SHOX2: variants seen among roughly 807,000 people sequenced by gnomAD.
The protein encoded by SHOX2 is SHOX homeobox 2.
SHOX2 carries 13 observed loss-of-function variants against 31.3 expected under a neutral mutation model. The observed-to-expected ratio is 0.42, with a 90% confidence interval of 0.27 to 0.66. The LOEUF (loss-of-function observed/expected upper bound fraction) is 0.66, where lower values mean the gene tolerates loss of function less well. Among genes scored for constraint, SHOX2 ranks in the 30% least tolerant of loss-of-function variants. The pLI is 0.27. For synonymous variants in SHOX2, 244 were observed against 196.2 expected, an observed-to-expected ratio of 1.24 and a Z score of -2.04; for missense variants, 473 against 443.0, an observed-to-expected ratio of 1.07 and a Z score of -0.61.
At chr3:158,104,112 G>C (rs1024409962) in intron 1 of SHOX2, 8 of 152,358 alleles carry the variant, frequency 5.3e-5, no homozygotes, top group African/African-American at 1.7e-4. Flanking sequence ...GGCCAGCATG[G>C]GTGTTAAAAA....
intron 1 of SHOX2, chr3:158,105,062 A>G (rs2108132142): frequency 3.0e-6 from 3 of 1,012,954 alleles, no homozygotes; most frequent in African/African-American, 3.9e-5. Flanking sequence ...ACACACCAAG[A>G]AACCGAAACG....
intron 4 of SHOX2, among the ~76,000 whole-genome samples, chr3:158,099,517 A>AAT (rs1713351930): frequency 6.6e-6 from 1 of 152,228 alleles, no homozygotes; most frequent in Admixed American, 6.5e-5. Context: ...TTGCCTTAGA[A>AAT]ATACCTTAGG....
At chr3:158,103,588 C>G (rs902461378) in intron 1 of SHOX2, 1 of 152,390 alleles carries the variant, frequency 6.6e-6, no homozygotes, top group Non-Finnish European at 1.5e-5. Flanking sequence ...CCCGCCTGCC[C>G]GACCGGGGTC....
At position 158,102,872 on chromosome 3, in the gene SHOX2, T is replaced by C; in HGVS notation, c.361A>G (p.Lys121Glu). Residue 121 changes from lysine (K) to glutamate (E), a missense_variant, in exon 2 of 5, where the codon AAA (lysine) becomes GAA (glutamate). By Grantham distance (56) the Lys-to-Glu change is moderately conservative. Coordinates refer to ENST00000483851, the MANE Select transcript of SHOX2 (RefSeq NM_001163678.2). ...PRLTEVSPEL[K>E]DRKEDAKGME... ...CCTTTCGCATCCTCTTTGCGATCTT[T>C]CAGCTCCGGGGACACTGGAGGGGGC... 1 of 1,614,002 alleles carries C rather than the reference T, an allele frequency of 6.2e-7. No homozygotes were observed. The highest frequency in any genetic ancestry group is 8.5e-7 in the Non-Finnish European group (1 of 1,180,000).
intron 1 of SHOX2, 120 bp downstream of exon 1, chr3:158,105,559 G>T: frequency 1.1e-6 from 1 of 895,244 alleles, no homozygotes; most frequent in Non-Finnish European, 1.7e-6. Flanking sequence ...CAAAGCTGGG[G>T]TCCAGGGCCC....
chr3:158,099,981 G>T (rs1713389838), intron 3 of SHOX2, 33 bp from the exon 4 acceptor site: 2 of 1,564,828 alleles, frequency 1.3e-6, no homozygotes, highest in Non-Finnish European at 1.8e-6. Flanking sequence ...ATAATGTGAG[G>T]TTAACGTTTG....
rs1171088111 is a variant in SHOX2, at chr3:158,096,923, TATATATATGG to T, written c.*1094_*1103del. 7.9e-6 allele frequency: 1 copy of T among 126,548 alleles called. No homozygotes were observed. The highest frequency in any genetic ancestry group is 3.0e-5 in the African/African-American group (1 of 33,822). The allele number at this position is 126,548 out of a possible 1,614,324, so 7.8% of individuals were successfully genotyped here. ...ATATATATATATATATATATATATA[TATATATATGG>T]CAAATATATGATATATATATATGGA... On this transcript the variant is annotated 3_prime_UTR_variant, in exon 5 of 5. Coordinates refer to ENST00000483851, the MANE Select transcript of SHOX2 (RefSeq NM_001163678.2).
rs1713063078 is a variant in SHOX2, at chr3:158,096,268, CT to C, written c.*1758del. On this transcript the variant is annotated 3_prime_UTR_variant, in exon 5 of 5. Transcript: ENST00000483851. Reference sequence around the variant, plus strand: ...AAGTTCAGTTAGAAGAGCTTTTCCTCTTTCTTGTAAATTAGAAGGTAAAACA... The same window carrying C: ...AAGTTCAGTTAGAAGAGCTTTTCCTCTTCTTGTAAATTAGAAGGTAAAACA... 1 of 152,246 alleles carries C rather than the reference CT, an allele frequency of 6.6e-6. No homozygotes were observed. Among genetic ancestry groups the C allele is most frequent in the Non-Finnish European group, 1.5e-5 (1 of 68,014 alleles). The allele number at this position is 152,246 out of a possible 1,614,324, so 9.4% of individuals were successfully genotyped here. A position where few individuals can be genotyped will look rare whatever the true frequency, so the allele number is the denominator to read the frequency against.
intron 1 of SHOX2, chr3:158,105,395 G>A (rs1348438275): frequency 1.7e-6 from 1 of 592,200 alleles, no homozygotes; most frequent in Non-Finnish European, 3.0e-6. Context: ...CCTCCCGCTG[G>A]TGAAAAATGC....
chr3:158,105,596 T>G, intron 1 of SHOX2, 83 bp downstream of exon 1: 1 of 1,276,584 alleles, frequency 7.8e-7, no homozygotes, highest in Non-Finnish European at 1.1e-6. Flanking sequence ...CCCTCCCCGC[T>G]GGGCCTCGGA....
chr3:158,097,127 A>G lies in SHOX2; in HGVS notation c.*900T>C, dbSNP rs1713168128. 6.6e-6 allele frequency: 1 copy of G among 151,968 alleles called. No individual in the cohort carries two copies. Among genetic ancestry groups the G allele is most frequent in the Non-Finnish European group, 1.5e-5 (1 of 67,894 alleles). The allele number at this position is 151,968 out of a possible 1,614,324, so 9.4% of individuals were successfully genotyped here. ...CAGCAGTCCAGACAGTTTTGCCATAATAATTTCTCAGAGAAATCATTGTCT... is the reference window on the plus strand; with the variant it reads ...CAGCAGTCCAGACAGTTTTGCCATAGTAATTTCTCAGAGAAATCATTGTCT... On this transcript the variant is annotated 3_prime_UTR_variant, in exon 5 of 5. Transcript: ENST00000483851.
intron 1 of SHOX2, chr3:158,103,230 C>CGCACTCACTTGCTCCGCA (rs1296141990): frequency 1.0e-5 from 4 of 385,042 alleles, no homozygotes; most frequent in Non-Finnish European, 2.0e-5. Context: ...CACTCACTTT[C>CGCACTCACTTGCTCCGCA]GCACTCACTT....
In SHOX2 at chr3:158,105,957, A is replaced by T. The variant is rs763323181; in HGVS notation, c.68T>A (p.Ile23Asn). Residue 23 changes from isoleucine to asparagine, a missense_variant, in exon 1 of 5, where the codon ATC becomes AAC. Physicochemically the swap from Ile to Asn is moderately radical, Grantham distance 149 (BLOSUM62 -3). Coordinates refer to ENST00000483851, the MANE Select transcript of SHOX2 (RefSeq NM_001163678.2). ...GCTCTCCAGCACCTCCCGGTACGTG[A>T]TCGCCTCCTTCTTCTCCTTCACTTT... ...DQKVKEKKEA[I>N]TYREVLESGP... 2.5e-6 allele frequency: 4 copies of T among 1,612,402 alleles called. No individual in the cohort carries two copies. In the Admixed American group the frequency reaches 5.0e-5, roughly 20 times the overall value.
chr3:158,105,827 TCCTCCGCCGCCG>T lies in SHOX2; in HGVS notation c.186_197del (p.Gly74_Gly77del), dbSNP rs1477918867. Reference sequence around the variant, plus strand: ...CGCCTCCTCCGCCGCCGCCTCCGCCTCCTCCGCCGCCGCCTCCGCCGGCCGCCCGGACTGCCG... The same window carrying T: ...CGCCTCCTCCGCCGCCGCCTCCGCCTCCTCCGCCGGCCGCCCGGACTGCCG... On this transcript the variant is annotated inframe_deletion, in exon 1 of 5. Transcript: ENST00000483851. 6.9e-6 allele frequency: 10 copies of T among 1,451,100 alleles called. 1 individual carries two copies. Among genetic ancestry groups the T allele is most frequent in the Middle Eastern group, 2.0e-4 (1 of 5,038 alleles). The allele number at this position is 1,451,100 out of a possible 1,614,324, so 89.9% of individuals were successfully genotyped here.
In SHOX2 at chr3:158,102,777, G is replaced by A; in HGVS notation, c.456C>T (p.Leu152=). The part of the protein sequence containing the change: ...RSRTNFTLEQ[L]NELERLFDET... ...CGTCAAAAAGCCTCTCCAGCTCATT[G>A]AGTTGTTCCAGGGTGAAATTGGTCC... The change falls in exon 2 of 5, where the codon CTC becomes CTT. Residue 152 remains leucine (L), a synonymous_variant. Coordinates refer to ENST00000483851, the MANE Select transcript of SHOX2 (RefSeq NM_001163678.2). 4 of 1,614,072 alleles carry A rather than the reference G, an allele frequency of 2.5e-6. No individual in the cohort carries two copies. The highest frequency in any genetic ancestry group is 3.4e-6 in the Non-Finnish European group (4 of 1,180,020).
rs1713192360 is a variant in SHOX2 at position 158,097,530 on chromosome 3, T to G, written c.*497A>C. Reference sequence around the variant, plus strand: ...TATAAAATACTTTAATTTTAAAATTTGTTTTTGCTCCTTGGTTCTCCAATT... The same window carrying G: ...TATAAAATACTTTAATTTTAAAATTGGTTTTTGCTCCTTGGTTCTCCAATT... On this transcript the variant is annotated 3_prime_UTR_variant, in exon 5 of 5. Coordinates refer to ENST00000483851, the MANE Select transcript of SHOX2 (RefSeq NM_001163678.2). 1 of 153,144 alleles carries G rather than the reference T, an allele frequency of 6.5e-6. No homozygotes were observed. Among genetic ancestry groups the G allele is most frequent in the Non-Finnish European group, 1.5e-5 (1 of 68,716 alleles). The allele number at this position is 153,144 out of a possible 1,614,324, so 9.5% of individuals were successfully genotyped here. A position where few individuals can be genotyped will look rare whatever the true frequency, so the allele number is the denominator to read the frequency against.
rs1259454188 is a variant in SHOX2, at chr3:158,098,121, G to A, written c.866C>T (p.Ala289Val). The A allele has an allele frequency of 1.2e-6, 2 of 1,612,876 alleles. No individual in the cohort carries two copies. The highest frequency in any genetic ancestry group is 1.7e-6 in the Non-Finnish European group (2 of 1,179,474). Reference sequence around the variant, plus strand: ...GGTGGTCTTGGCGGCTGCTGCGGCCGCCACTACCGAGGCGGCGGAAGCCGA... The same window carrying A: ...GGTGGTCTTGGCGGCTGCTGCGGCCACCACTACCGAGGCGGCGGAAGCCGA... ...ADSASAASVV[A>V]AAAAAKTTSK... Residue 289 changes from alanine (A) to valine (V), a missense_variant, in exon 5 of 5, where the codon GCG becomes GTG. Coordinates refer to ENST00000483851, the MANE Select transcript of SHOX2 (RefSeq NM_001163678.2).
intron 1 of SHOX2, chr3:158,105,180 C>A: frequency 8.5e-6 from 10 of 1,181,814 alleles, no homozygotes; most frequent in Non-Finnish European, 1.2e-5. Flanking sequence ...GATTCAGGGG[C>A]TCTGCGGAGT....
rs745394305 is a variant in SHOX2 at position 158,102,826 on chromosome 3, G to C, written c.407C>G (p.Thr136Ser). ...DAKGMEDEGQTKIKQRRSRTN... is the reference protein window; with the variant it reads ...DAKGMEDEGQSKIKQRRSRTN... Reference sequence around the variant, plus strand: ...CCGACTTCGCCTCTGCTTGATTTTGGTCTGGCCTTCGTCCTCCATCCCTTT... The same window carrying C: ...CCGACTTCGCCTCTGCTTGATTTTGCTCTGGCCTTCGTCCTCCATCCCTTT... Residue 136 changes from threonine to serine, a missense_variant, in exon 2 of 5, where the codon ACC (threonine) becomes AGC (serine). Thr to Ser is a moderately conservative substitution (Grantham distance 58). Coordinates refer to ENST00000483851, the MANE Select transcript of SHOX2 (RefSeq NM_001163678.2). The C allele has an allele frequency of 3.1e-6, 5 of 1,613,870 alleles. No individual in the cohort carries two copies. The East Asian group carries it at 1.1e-4, about 36-fold the overall frequency.
Sources: gnomAD v4.1 joint callset for allele counts (sites outside exome capture counted in the v4.1 genomes callset) on GRCh38, gnomAD v4.1.1 for gene constraint, MANE v1.5 for transcripts, NCBI Gene and HGNC (gene_info 2026-07-23, HGNC 2026-07-21) for gene names.